The following BCL2L13 variants were observed in gnomAD, a reference collection of about 807,000 sequenced individuals.
BCL2L13 encodes BCL2 like 13, also known as bcl-2-like protein 13.
In BCL2L13, 13 loss-of-function variants were observed where a neutral mutation model predicts 25.8. The observed-to-expected ratio is 0.50, with a 90% CI of 0.33 to 0.80. The LOEUF (loss-of-function observed/expected upper bound fraction) is 0.80, where lower values mean the gene tolerates loss of function less well. Among genes scored for constraint, BCL2L13 ranks in the 30% least tolerant of loss-of-function variants. The probability of loss-of-function intolerance (pLI) is 0.02; values close to 1 mark genes in which losing one functional copy is unlikely to be tolerated. For synonymous variants in BCL2L13, 244 were observed against 230.3 expected, an observed-to-expected ratio of 1.06 and a Z score of -0.54; for missense variants, 504 against 574.9, an observed-to-expected ratio of 0.88 and a Z score of 1.26.
At chr22:17,667,991 A>T (rs1601586631) in intron 2 of BCL2L13, among the ~76,000 whole-genome samples, 3 of 91,660 alleles carry the variant, frequency 3.3e-5, no homozygotes, top group African/African-American at 4.3e-5. Context: ...TTTTGAGAGC[A>T]TGAGGAAGGG....
rs908644194 is a variant in BCL2L13, at chr22:17,688,966, T to G, written c.230-20T>G. 41 of 1,602,346 alleles carry G rather than the reference T, an allele frequency of 2.6e-5. No individual in the cohort carries two copies. The highest frequency in any genetic ancestry group is 3.3e-5 in the Non-Finnish European group (39 of 1,176,390). Reference sequence around the variant, plus strand: ...AGATATTGTTTATTATATTAGGTTTTTCTTTTGTCCTATCTTCAGCCTTCA... The same window carrying G: ...AGATATTGTTTATTATATTAGGTTTGTCTTTTGTCCTATCTTCAGCCTTCA... On this transcript the variant is annotated intron_variant, in intron 3 of 6. Coordinates refer to ENST00000317582, the MANE Select transcript of BCL2L13 (RefSeq NM_015367.4).
At position 17,654,183 on chromosome 22, in the gene BCL2L13, G is replaced by A. The variant is rs973853385; in HGVS notation, c.-50-1479G>A. On this transcript the variant is annotated intron_variant, in intron 1 of 6. Coordinates refer to ENST00000317582, the MANE Select transcript of BCL2L13 (RefSeq NM_015367.4). ...TGCAGTGGCGTGATCATGGCTCACTGCAGCCTCTACCTCCTGGGCTCAAGC... is the reference window on the plus strand; with the variant it reads ...TGCAGTGGCGTGATCATGGCTCACTACAGCCTCTACCTCCTGGGCTCAAGC... 4.6e-5 allele frequency among the ~76,000 whole-genome samples: 7 copies of A among 151,888 alleles called. No individual in the cohort carries two copies. The South Asian group carries it at 1.5e-3, about 32-fold the overall frequency.
At chr22:17,678,213 A>G (rs1363446591) in intron 2 of BCL2L13, among the ~76,000 whole-genome samples, 1 of 152,032 alleles carries the variant, frequency 6.6e-6, no homozygotes, top group Non-Finnish European at 1.5e-5. Flanking sequence ...TCGTAGAAAC[A>G]AGGTCTAGCT....
chr22:17,683,213 G>C lies in BCL2L13; in HGVS notation c.122-1G>C, dbSNP rs750171514. The C allele has an allele frequency of 4.0e-6, 6 of 1,497,598 alleles. No individual in the cohort carries two copies. Among genetic ancestry groups the C allele is most frequent in the Admixed American group, 3.7e-5 (2 of 54,178 alleles). The allele number at this position is 1,497,598 out of a possible 1,614,324, so 92.8% of individuals were successfully genotyped here. On this transcript the variant is annotated splice_acceptor_variant, in intron 2 of 6. Coordinates refer to ENST00000317582, the MANE Select transcript of BCL2L13 (RefSeq NM_015367.4). LOFTEE classifies it high-confidence loss of function. Reference sequence around the variant, plus strand: ...ATAATAACCTTTTTTGTTGCTTTCAGGGGTTCAACTAGATATAGCTTCACA... The same window carrying C: ...ATAATAACCTTTTTTGTTGCTTTCACGGGTTCAACTAGATATAGCTTCACA...
intron 6 of BCL2L13, among the ~76,000 whole-genome samples, chr22:17,725,852 TG>T (rs1489441069): frequency 6.6e-6 from 1 of 151,280 alleles, no homozygotes; most frequent in Non-Finnish European, 1.5e-5. Context: ...TACTTCTTTT[TG>T]TATGCACCTT....
intron 2 of BCL2L13, among the ~76,000 whole-genome samples, chr22:17,666,335 C>T (rs937879613): frequency 6.6e-6 from 1 of 152,140 alleles, no homozygotes; most frequent in East Asian, 1.9e-4. Flanking sequence ...TATCCGTCCC[C>T]TCAACATTTA....
intron 1 of BCL2L13, among the ~76,000 whole-genome samples, chr22:17,642,974 G>A (rs2058345212): frequency 6.6e-6 from 1 of 152,174 alleles, no homozygotes; most frequent in Admixed American, 6.6e-5. Context: ...ATATCTGGAA[G>A]TGGAACAGAG....
intron 6 of BCL2L13, among the ~76,000 whole-genome samples, chr22:17,723,557 A>C (rs1417987388): frequency 3.9e-5 from 6 of 152,210 alleles, no homozygotes; most frequent in Admixed American, 3.9e-4. Flanking sequence ...AATTAAAATG[A>C]CAACACAAAC....
In BCL2L13 at chr22:17,702,311, G is replaced by A. The variant is rs765003755; in HGVS notation, c.525G>A (p.Leu175=). The A allele has an allele frequency of 1.2e-6, 2 of 1,612,750 alleles. No homozygotes were observed. Among genetic ancestry groups the A allele is most frequent in the Admixed American group, 3.3e-5 (2 of 59,812 alleles). ...LELTRRGQEP[L]SALLQFGVTY... ...TGACAAGACGTGGTCAAGAACCTTT[G>A]AGCGCACTGCTGCAGTTTGGCGTGA... The change falls in exon 6 of 7, where the codon TTG becomes TTA. Residue 175 remains leucine, a synonymous_variant. Transcript: ENST00000317582.
In BCL2L13 at chr22:17,683,312, A is replaced by G; in HGVS notation, c.220A>G (p.Ile74Val). The change falls in exon 3 of 7, where the codon ATT (isoleucine) becomes GTT (valine). Residue 74 changes from isoleucine (I) to valine (V), a missense_variant. Transcript: ENST00000317582. ...EEELKSLDKE[I>V]SEAFTSTGFD... ...AGAGCTAAAATCTCTGGACAAAGAA[A>G]TTTCTGAAGGTCTGTTTATTCTTAT... The G allele has an allele frequency of 6.5e-7, 1 of 1,531,498 alleles. No homozygotes were observed. The highest frequency in any genetic ancestry group is 1.2e-5 in the South Asian group (1 of 84,856). 94.9% of individuals were successfully genotyped at this position (1,531,498 alleles called of 1,614,324 possible).
intron 6 of BCL2L13, among the ~76,000 whole-genome samples, chr22:17,723,368 A>G (rs189413530): frequency 6.6e-6 from 1 of 152,294 alleles, no homozygotes; most frequent in Admixed American, 6.5e-5. Flanking sequence ...GACAGATTTT[A>G]CTTTACAGTT....
At chr22:17,643,555 A>T (rs1052985433) in intron 1 of BCL2L13, among the ~76,000 whole-genome samples, 1 of 152,230 alleles carries the variant, frequency 6.6e-6, no homozygotes, top group African/African-American at 2.4e-5. Flanking sequence ...GCCACCAGTG[A>T]GTCATGAGAC....
rs373801429 is a variant in BCL2L13, at chr22:17,689,494, G to A, written c.386+352G>A. The stretch of plus-strand genomic sequence containing the variant: ...TCGTGACATGAATATAATGGCTAGC[G>A]TTTTGTGCGTTGTAATGTGGGATTA... On this transcript the variant is annotated intron_variant, in intron 4 of 6. Coordinates refer to ENST00000317582, the MANE Select transcript of BCL2L13 (RefSeq NM_015367.4). Among the ~76,000 whole-genome samples the A allele has an allele frequency of 5.3e-4, 81 of 152,244 alleles. 1 individual carries two copies. In the South Asian group the frequency reaches 0.016, roughly 30 times the overall value.
At chr22:17,659,680 CAAAA>C (rs981249694) in intron 2 of BCL2L13, among the ~76,000 whole-genome samples, 3 of 141,180 alleles carry the variant, frequency 2.1e-5, no homozygotes, top group African/African-American at 7.8e-5. Context: ...CAAAACAAAA[CAAAA>C]AAACAAGAAA....
At chr22:17,697,337 C>CT (rs2060295206) in intron 5 of BCL2L13, among the ~76,000 whole-genome samples, 1 of 152,070 alleles carries the variant, frequency 6.6e-6, no homozygotes, top group South Asian at 2.1e-4. Context: ...ACTCAGGAGG[C>CT]TGAGGCAGGA....
chr22:17,711,033 T>A (rs180689693), intron 6 of BCL2L13, among the ~76,000 whole-genome samples: 1 of 151,972 alleles, frequency 6.6e-6, no homozygotes, highest in Admixed American at 6.6e-5. Flanking sequence ...CTTCAATCTT[T>A]TGTTAACTTT....
chr22:17,643,063 C>T (rs939621344), intron 1 of BCL2L13, among the ~76,000 whole-genome samples: 6 of 152,084 alleles, frequency 3.9e-5, no homozygotes, highest in African/African-American at 1.4e-4. Context: ...TTATCTAGGA[C>T]GGGATGAAAG....
intron 2 of BCL2L13, among the ~76,000 whole-genome samples, chr22:17,673,361 C>CTTTTTTTTTT (rs35861622): frequency 8.7e-6 from 1 of 115,510 alleles, no homozygotes; most frequent in African/African-American, 3.4e-5. Context: ...TCTTTTCTTT[C>CTTTTTTTTTT]TTTTTTTTTT....
chr22:17,651,117 A>T (rs1229095464), intron 1 of BCL2L13, among the ~76,000 whole-genome samples: 4 of 147,178 alleles, frequency 2.7e-5, no homozygotes, highest in Non-Finnish European at 1.5e-5. Flanking sequence ...CTCCTGCCTC[A>T]GTCTTCCGAG....
Sources: gnomAD v4.1 joint callset for allele counts (sites outside exome capture counted in the v4.1 genomes callset) on GRCh38, gnomAD v4.1.1 for gene constraint, MANE v1.5 for transcripts, NCBI Gene and HGNC (gene_info 2026-07-23, HGNC 2026-07-21) for gene names.